The following LMF1 variants were observed in gnomAD, a reference collection of about 807,000 sequenced individuals.
The protein encoded by LMF1 is transmembrane protein 112.
In LMF1, 68 loss-of-function variants were observed where a neutral mutation model predicts 60.6. That is an observed-to-expected ratio of 1.12 (90% confidence interval 0.92 to 1.37). The LOEUF is 1.37. Ranked by LOEUF, LMF1 falls within the 40% of genes most tolerant of loss-of-function variation. The pLI is 0.00. For missense variants in LMF1, 948 were observed against 767.2 expected, an observed-to-expected ratio of 1.24 and a Z score of -2.78; for synonymous variants, 418 against 324.7, an observed-to-expected ratio of 1.29 and a Z score of -3.09.
At chr16:857,984 CGTGGTGTCTCGGGATGGGTGTGA>C (rs1596825266) in intron 10 of LMF1, among the ~76,000 whole-genome samples, 11 of 1,908 alleles carry the variant, frequency 5.8e-3, no homozygotes, top group South Asian at 0.038. Flanking sequence ...GATGGGTGTG[CGTGGTGTCTCGGGATGGGTGTGA>C]GTGGTGTCTC....
At chr16:977,114 C>T (rs2073171117) in intron 1 of LMF1, 1 of 454,088 alleles carries the variant, frequency 2.2e-6, no homozygotes, top group South Asian at 1.6e-5. Context: ...CCAAGAAAGA[C>T]TCACTGAGTG....
At chr16:923,909 G>T (rs1011298253) in intron 3 of LMF1, among the ~76,000 whole-genome samples, 1 of 152,212 alleles carries the variant, frequency 6.6e-6, no homozygotes, top group Non-Finnish European at 1.5e-5. Flanking sequence ...TATTGGAAAG[G>T]GTTGACCAGT....
intron 2 of LMF1, among the ~76,000 whole-genome samples, chr16:948,215 CAG>C (rs1243992896): frequency 7.0e-4 from 103 of 146,214 alleles, no homozygotes; most frequent in African/African-American, 2.5e-3. Context: ...CAGCCAATGA[CAG>C]AGTCAGAGAC....
intron 3 of LMF1, among the ~76,000 whole-genome samples, chr16:920,214 G>A (rs151309805): frequency 2.3e-4 from 34 of 148,772 alleles, no homozygotes; most frequent in Non-Finnish European, 3.7e-4. Context: ...CCGTTGGCTC[G>A]GCCCCCGACA....
At position 932,552 on chromosome 16, in the gene LMF1, G is replaced by A. The variant is rs181095834; in HGVS notation, c.514+1692C>T. 3.9e-5 allele frequency among the ~76,000 whole-genome samples: 6 copies of A among 152,144 alleles called. No homozygotes were observed. In the East Asian group the frequency reaches 1.2e-3, roughly 29 times the overall value. ...AAGCTTTCCCTCCTCATAAGAACTG[G>A]GAAAAAATAATACTGTTGTGATTGT... On this transcript the variant is annotated intron_variant, in intron 3 of 10. Transcript: ENST00000262301.
intron 10 of LMF1, among the ~76,000 whole-genome samples, chr16:864,550 G>A (rs978466710): frequency 1.3e-5 from 2 of 152,302 alleles, no homozygotes; most frequent in African/African-American, 4.8e-5. Context: ...AGGCTAGGCT[G>A]AGCTACGACG....
intron 10 of LMF1, among the ~76,000 whole-genome samples, chr16:859,258 CGGG>C: frequency 1.0e-5 from 1 of 99,332 alleles, no homozygotes; most frequent in Non-Finnish European, 1.8e-5. Context: ...AGTGGTGTCA[CGGG>C]ACGGGTGTGA....
intron 3 of LMF1, among the ~76,000 whole-genome samples, chr16:922,161 G>A (rs922109826): frequency 3.9e-5 from 6 of 152,164 alleles, no homozygotes; most frequent in African/African-American, 1.2e-4. Flanking sequence ...GCAGATCGGG[G>A]CACCCTGTCT....
Position 954,442 on chromosome 16 carries a change from C to A in LMF1, c.418G>T (p.Val140Leu). The change falls in exon 2 of 11, where the codon GTA (valine) becomes TTA (leucine). Residue 140 changes from valine to leucine, a missense_variant. By Grantham distance (32) the Val-to-Leu change is conservative (BLOSUM62 1). Transcript: ENST00000262301. ...ALLGLGISSF[V>L]LITGCANMLL... is the part of the protein sequence containing the mutation. Reference sequence around the variant, plus strand: ...ATGTTGGCGCAGCCCGTGATCAGTACGAAAGACGAGATGCCCAGTCCGAGA... The same window carrying A: ...ATGTTGGCGCAGCCCGTGATCAGTAAGAAAGACGAGATGCCCAGTCCGAGA... 1.2e-6 allele frequency: 2 copies of A among 1,612,910 alleles called. No homozygotes were observed. Among genetic ancestry groups the A allele is most frequent in the East Asian group, 2.2e-5 (1 of 44,864 alleles).
intron 2 of LMF1, chr16:947,301 G>A: frequency 2.7e-6 from 1 of 364,668 alleles, no homozygotes; most frequent in Non-Finnish European, 5.5e-6. Flanking sequence ...CAGAGACAGA[G>A]GCTGCAGCCC....
chr16:907,905 A>C (rs757177781), intron 4 of LMF1, among the ~76,000 whole-genome samples: 3 of 152,226 alleles, frequency 2.0e-5, no homozygotes, highest in Non-Finnish European at 4.4e-5. Flanking sequence ...ATGCCATAAA[A>C]GGTGCTTCCC....
At chr16:928,950 C>T (rs1197731886) in intron 3 of LMF1, among the ~76,000 whole-genome samples, 2 of 152,352 alleles carry the variant, frequency 1.3e-5, no homozygotes, top group East Asian at 3.9e-4. Context: ...TCTATCTGGG[C>T]ACAAAGACCT....
intron 10 of LMF1, among the ~76,000 whole-genome samples, chr16:861,818 G>A (rs539674047): frequency 1.3e-5 from 2 of 152,304 alleles, no homozygotes; most frequent in African/African-American, 4.8e-5. Context: ...CCAGCACCAT[G>A]CCGGATCCGA....
chr16:858,662 G>C (rs866215518), intron 10 of LMF1, among the ~76,000 whole-genome samples: 4 of 94,460 alleles, frequency 4.2e-5, no homozygotes, highest in Non-Finnish European at 4.2e-5. Context: ...ACGGGTGTGA[G>C]TGGTGTCACG....
chr16:945,470 G>A (rs1000656977), intron 2 of LMF1, among the ~76,000 whole-genome samples: 2 of 152,016 alleles, frequency 1.3e-5, no homozygotes, highest in African/African-American at 4.8e-5. Flanking sequence ...AGGCTGCAGT[G>A]GGCTGTGACT....
chr16:853,689 C>G lies in LMF1; in HGVS notation c.*843G>C. On this transcript the variant is annotated 3_prime_UTR_variant, in exon 11 of 11. Coordinates refer to ENST00000262301, the MANE Select transcript of LMF1 (RefSeq NM_022773.4). ...GGAATAGTAGAAGAATATGCCATAG[C>G]TATGGCTCAAGAATAGGAATAAGAA... The G allele has an allele frequency of 2.2e-6, 1 of 454,126 alleles. No individual in the cohort carries two copies. The highest frequency in any genetic ancestry group is 1.6e-5 in the South Asian group (1 of 64,482). 28.1% of individuals were successfully genotyped at this position (454,126 alleles called of 1,614,324 possible).
At chr16:877,252 T>C (rs1449026638) in intron 6 of LMF1, among the ~76,000 whole-genome samples, 1 of 152,144 alleles carries the variant, frequency 6.6e-6, no homozygotes, top group Non-Finnish European at 1.5e-5. Context: ...TACTATGACT[T>C]TTTTTGCCAA....
At chr16:981,191 C>G (rs868236913) in exon 1 of LMF1, 2 of 455,120 alleles carry the variant, frequency 4.4e-6, no homozygotes, top group Middle Eastern at 6.6e-4. Context: ...GGCCTGGGCG[C>G]TGCGCGGCGG....
intron 2 of LMF1, among the ~76,000 whole-genome samples, chr16:937,312 G>C (rs1039600779): frequency 6.6e-6 from 1 of 152,154 alleles, no homozygotes; most frequent in Non-Finnish European, 1.5e-5. Context: ...AGTTCTTCTG[G>C]GTTTGTTCTG....
Sources: gnomAD v4.1 joint callset for allele counts (sites outside exome capture counted in the v4.1 genomes callset) on GRCh38, gnomAD v4.1.1 for gene constraint, MANE v1.5 for transcripts, NCBI Gene and HGNC (gene_info 2026-07-23, HGNC 2026-07-21) for gene names.